IFT140: variants seen among roughly 807,000 people sequenced by gnomAD.
IFT140 encodes the protein intraflagellar transport protein 140 homolog.
A neutral mutation model predicts 164.6 loss-of-function variants in IFT140; 133 were observed. That is an observed-to-expected ratio of 0.81 (90% CI 0.70 to 0.93). The LOEUF (loss-of-function observed/expected upper bound fraction) is 0.93, where lower values mean the gene tolerates loss of function less well. Ranked by LOEUF, IFT140 falls within the 40% of genes least tolerant of loss-of-function variation. IFT140 has a pLI of 0.00. For missense variants in IFT140, 2,045 were observed against 1,972.3 expected, an observed-to-expected ratio of 1.04 and a Z score of -0.70; for synonymous variants, 860 against 817.3, an observed-to-expected ratio of 1.05 and a Z score of -0.89.
chr16:1,547,549 T>G (rs2032276261), intron 19 of IFT140, among the ~76,000 whole-genome samples: 1 of 152,150 alleles, frequency 6.6e-6, no homozygotes, highest in African/African-American at 2.4e-5. Context: ...GATTATTTAT[T>G]TATTCGAGAT....
At chr16:1,523,416 A>G in intron 26 of IFT140, 102 bp downstream of exon 26, 1 of 1,282,212 alleles carries the variant, frequency 7.8e-7, no homozygotes, top group South Asian at 1.4e-5. Flanking sequence ...TTCCTGGAGA[A>G]CTCATAACCA....
Position 1,553,759 on chromosome 16 carries a change from C to T in IFT140, c.2399+4176G>A. The T allele has an allele frequency of 8.5e-7, 1 of 1,170,998 alleles. No individual in the cohort carries two copies. The highest frequency in any genetic ancestry group is 1.1e-6 in the Non-Finnish European group (1 of 932,228). 72.5% of individuals were successfully genotyped at this position (1,170,998 alleles called of 1,614,324 possible). A position where few individuals can be genotyped will look rare whatever the true frequency, so the allele number is the denominator to read the frequency against. ...CATGGCTGTAGGGGATGAGGAGGGG[C>T]AGGGCCATGTGGACAGCCTCTCCTC... On this transcript the variant is annotated intron_variant, in intron 19 of 30. Transcript: ENST00000426508. The surrounding 1 kb of genome is among the most constrained non-coding windows in gnomAD (Gnocchi z 4.4).
At chr16:1,513,599 TG>T (rs2040241691) in intron 30 of IFT140, among the ~76,000 whole-genome samples, 2 of 151,848 alleles carry the variant, frequency 1.3e-5, no homozygotes, top group East Asian at 3.9e-4. Context: ...GGAAAGGCAC[TG>T]GGGGCAGCCG....
intron 3 of IFT140, among the ~76,000 whole-genome samples, chr16:1,604,693 T>G (rs931077697): frequency 2.6e-5 from 4 of 151,888 alleles, no homozygotes; most frequent in African/African-American, 9.7e-5. Flanking sequence ...GAAGCTGTAC[T>G]GGTGTCCAGG....
rs552736270 is a variant in IFT140 at position 1,604,274 on chromosome 16, C to CGCGTGTGTGT, written c.148-1684_148-1683insACACACACGC. Reference sequence around the variant, plus strand: ...CCAGCGCTGCATCGCGCTGCAAGGGCGTGTGTGTGTGTGTGTGTGTGTGTG... The same window carrying CGCGTGTGTGT: ...CCAGCGCTGCATCGCGCTGCAAGGGCGCGTGTGTGTGTGTGTGTGTGTGTGTGTGTGTGTG... On this transcript the variant is annotated intron_variant, in intron 3 of 30. Coordinates refer to ENST00000426508, the MANE Select transcript of IFT140 (RefSeq NM_014714.4). 3.9e-5 allele frequency: 5 copies of CGCGTGTGTGT among 129,812 alleles called. No homozygotes were observed. In the East Asian group the frequency reaches 6.9e-4, roughly 18 times the overall value. 8.0% of individuals were successfully genotyped at this position (129,812 alleles called of 1,614,324 possible).
intron 7 of IFT140, among the ~76,000 whole-genome samples, chr16:1,588,757 A>T (rs1187725755): frequency 6.6e-6 from 1 of 152,046 alleles, no homozygotes; most frequent in African/African-American, 2.4e-5. Flanking sequence ...AGGTCTGTGG[A>T]CTGAACTGCA....
chr16:1,516,636 G>A (rs1040103111), intron 30 of IFT140, among the ~76,000 whole-genome samples: 1 of 151,906 alleles, frequency 6.6e-6, no homozygotes, highest in Admixed American at 6.6e-5. Flanking sequence ...TGGGCGTGGT[G>A]GCGGGCGCCT....
chr16:1,544,650 CT>C (rs559942970), intron 19 of IFT140, among the ~76,000 whole-genome samples: 1 of 151,200 alleles, frequency 6.6e-6, no homozygotes, highest in Non-Finnish European at 1.5e-5. Flanking sequence ...ATTTCTTTTT[CT>C]TTTTTTTCTT....
Position 1,524,639 on chromosome 16 carries a change from G to C in IFT140, c.3054C>G (p.Arg1018=), listed in dbSNP as rs751075270. Residue 1018 remains arginine, a synonymous_variant, in exon 24 of 31, where the codon CGC becomes CGG. Transcript: ENST00000426508. ...CGACCTCCTCCTGGCTCTCGTACTG[G>C]CGGGCGAGGTGGTAGGAGGCCGCCA... ...GNLAASYHLA[R]QYESQEEVGQ... is the part of the protein sequence containing the mutation. The C allele has an allele frequency of 2.5e-6, 4 of 1,595,686 alleles. No homozygotes were observed. The African/African-American group carries it at 5.4e-5, about 21-fold the overall frequency.
intron 30 of IFT140, among the ~76,000 whole-genome samples, chr16:1,517,195 C>G (rs1267594073): frequency 1.3e-5 from 2 of 152,042 alleles, no homozygotes; most frequent in African/African-American, 4.8e-5. Flanking sequence ...AATGGTGAAA[C>G]CCCATCTCTA....
chr16:1,544,895 G>A (rs542049531), intron 19 of IFT140, among the ~76,000 whole-genome samples: 52 of 150,990 alleles, frequency 3.4e-4, no homozygotes, highest in Admixed American at 5.3e-4. Flanking sequence ...TGATCCGCCC[G>A]CCTCGGCCTC....
chr16:1,600,261 C>G (rs954584838), intron 4 of IFT140, among the ~76,000 whole-genome samples: 1 of 145,172 alleles, frequency 6.9e-6, no homozygotes, highest in Admixed American at 6.9e-5. Context: ...GCAGCATGCT[C>G]GTTAAGAGTC....
intron 2 of IFT140, chr16:1,610,322 T>C (rs2036272035): frequency 6.5e-6 from 1 of 154,902 alleles, no homozygotes; most frequent in Non-Finnish European, 1.5e-5. Context: ...CATGTTTTTG[T>C]TTTGCATCTC....
intron 19 of IFT140, chr16:1,554,855 C>G: frequency 6.2e-7 from 1 of 1,614,220 alleles, no homozygotes. Context: ...GGTCCTGCTA[C>G]CTGAACATTG....
At chr16:1,536,753 C>G (rs760034006) in intron 19 of IFT140, among the ~76,000 whole-genome samples, 1 of 152,214 alleles carries the variant, frequency 6.6e-6, no homozygotes, top group Non-Finnish European at 1.5e-5. Context: ...CCTCTCTCGC[C>G]TTCTCCTTCA....
Position 1,553,464 on chromosome 16 carries a change from G to A in IFT140, c.2399+4471C>T, listed in dbSNP as rs1596353448. The stretch of plus-strand genomic sequence containing the variant: ...TGAACAGACGCACAGGTGTCAACAT[G>A]CAGGCCAGGCGGAGGGACAGCAGTG... On this transcript the variant is annotated intron_variant, in intron 19 of 30. Transcript: ENST00000426508. The surrounding 1 kb of genome is among the most constrained non-coding windows in gnomAD (Gnocchi z 4.4). 1 of 985,456 alleles carries A rather than the reference G, an allele frequency of 1.0e-6. No homozygotes were observed. The highest frequency in any genetic ancestry group is 1.2e-6 in the Non-Finnish European group (1 of 829,938). The allele number at this position is 985,456 out of a possible 1,614,324, so 61.0% of individuals were successfully genotyped here.
At chr16:1,556,589 A>G (rs183295816) in intron 19 of IFT140, among the ~76,000 whole-genome samples, 1 of 152,362 alleles carries the variant, frequency 6.6e-6, no homozygotes, top group Admixed American at 6.5e-5. Flanking sequence ...TGCTCCAGGA[A>G]TTGGTCTTCA....
intron 17 of IFT140, 85 bp from the exon 18 acceptor site, chr16:1,562,201 A>G (rs1236058249): frequency 2.5e-6 from 3 of 1,213,370 alleles, no homozygotes; most frequent in African/African-American, 1.6e-5. Flanking sequence ...TGCTACACAC[A>G]CTGCGTCACG....
chr16:1,575,354 G>A (rs989704541), intron 13 of IFT140, among the ~76,000 whole-genome samples: 9 of 150,724 alleles, frequency 6.0e-5, no homozygotes, highest in Non-Finnish European at 8.9e-5. Context: ...TAGCCTGGGC[G>A]ACAGGATGAG....
Sources: gnomAD v4.1 joint callset for allele counts (sites outside exome capture counted in the v4.1 genomes callset) on GRCh38, gnomAD v4.1.1 for gene constraint, Gnocchi (gnomAD v3.1) non-coding constraint, MANE v1.5 for transcripts, NCBI Gene and HGNC (gene_info 2026-07-23, HGNC 2026-07-21) for gene names.